The following PGR variants were observed in gnomAD, a reference collection of about 807,000 sequenced individuals.
PGR encodes the protein nuclear receptor subfamily 3 group C member 3.
In PGR, 25 loss-of-function variants were observed where a neutral mutation model predicts 76.1. The observed-to-expected ratio is 0.33, with a 90% CI of 0.24 to 0.46. PGR has a LOEUF of 0.46. Ranked by LOEUF, PGR falls within the 20% of genes least tolerant of loss-of-function variation. The pLI is 1.00. For synonymous variants in PGR, 579 were observed against 535.0 expected, an observed-to-expected ratio of 1.08 and a Z score of -1.14; for missense variants, 1,172 against 1,225.3, an observed-to-expected ratio of 0.96 and a Z score of 0.65.
chr11:101,121,116 C>T (rs1209759837), intron 2 of PGR, among the ~76,000 whole-genome samples: 2 of 152,082 alleles, frequency 1.3e-5, no homozygotes, highest in Non-Finnish European at 2.9e-5. Flanking sequence ...GAGACCTCAG[C>T]TTGAAAAGAA....
At position 101,091,835 on chromosome 11, in the gene PGR, C is replaced by T. The variant is rs749564230; in HGVS notation, c.1831G>A (p.Val611Ile). The change falls in exon 3 of 8, where the codon GTT becomes ATT. Residue 611 changes from valine to isoleucine, a missense_variant. Val to Ile is a conservative substitution (Grantham distance 29). This residue lies in a region of PGR where 40 missense variants were observed against 82.7 expected (regional missense o/e 0.48). Transcript: ENST00000325455. ...YLCAGRNDCIVDKIRRKNCPA... is the reference protein window; with the variant it reads ...YLCAGRNDCIIDKIRRKNCPA... ...CAGTTTTTTCTGCGGATTTTATCAA[C>T]GATGCAGTCATTTCTTCCAGCACAT... The T allele has an allele frequency of 6.8e-6, 11 of 1,611,326 alleles. No homozygotes were observed. The highest frequency in any genetic ancestry group is 2.7e-5 in the African/African-American group (2 of 74,954).
At chr11:101,084,097 T>G (rs637963) in intron 3 of PGR, among the ~76,000 whole-genome samples, 1 of 151,940 alleles carries the variant, frequency 6.6e-6, no homozygotes, top group Non-Finnish European at 1.5e-5. Context: ...GTTGTCATGA[T>G]AGTGAGTGGG....
rs1468490750 is a variant in PGR, at chr11:101,091,892, G to GAA, written c.1790-17_1790-16insTT. 8.0e-7 allele frequency: 1 copy of GAA among 1,251,692 alleles called. No individual in the cohort carries two copies. Among genetic ancestry groups the GAA allele is most frequent in the East Asian group, 2.3e-5 (1 of 43,098 alleles). The allele number at this position is 1,251,692 out of a possible 1,614,324, so 77.5% of individuals were successfully genotyped here. A position where few individuals can be genotyped will look rare whatever the true frequency, so the allele number is the denominator to read the frequency against. On this transcript the variant is annotated splice_polypyrimidine_tract_variant and intron_variant, in intron 2 of 7. Transcript: ENST00000325455. ...TTGTGCTGCCCTAAAAAAACAAAAT[G>GAA]AGTCAAAATTATTTACAATATCTAA...
chr11:101,125,420 G>A (rs1346370944), intron 2 of PGR, among the ~76,000 whole-genome samples: 3 of 151,978 alleles, frequency 2.0e-5, no homozygotes, highest in Non-Finnish European at 4.4e-5. Flanking sequence ...GTTTAATCCT[G>A]TCCTCTTATA....
At position 101,062,641 on chromosome 11, in the gene PGR, A is replaced by T; in HGVS notation, c.2018T>A (p.Phe673Tyr). The T allele has an allele frequency of 6.2e-7, 1 of 1,614,020 alleles. No individual in the cohort carries two copies. Residue 673 changes from phenylalanine to tyrosine, a missense_variant, in exon 4 of 8, where the codon TTC (phenylalanine) becomes TAC (tyrosine). This residue lies in a region of PGR where 73 missense variants were observed against 60.7 expected (regional missense o/e 1.20). Coordinates refer to ENST00000325455, the MANE Select transcript of PGR (RefSeq NM_000926.4). Reference protein sequence around the residue: ...PNESQALSQRFTFSPGQDIQL... With the variant: ...PNESQALSQRYTFSPGQDIQL... Reference sequence around the variant, plus strand: ...TATGTCTTGACCTGGTGAAAAAGTGAATCTCTGGCTTAGGGCTTGGCTTTC... The same window carrying T: ...TATGTCTTGACCTGGTGAAAAAGTGTATCTCTGGCTTAGGGCTTGGCTTTC...
intron 4 of PGR, among the ~76,000 whole-genome samples, chr11:101,054,039 T>G (rs1040156562): frequency 2.0e-5 from 3 of 152,166 alleles, no homozygotes; most frequent in Admixed American, 6.5e-5. Context: ...ATTCTTGATG[T>G]TGGTGGTGTC....
intron 3 of PGR, among the ~76,000 whole-genome samples, chr11:101,076,503 G>T (rs894934276): frequency 9.2e-5 from 14 of 151,676 alleles, no homozygotes; most frequent in African/African-American, 3.1e-4. Context: ...TTAAAAAATT[G>T]AAAACATTAA....
At chr11:101,069,283 A>G (rs1860831958) in intron 3 of PGR, among the ~76,000 whole-genome samples, 1 of 152,214 alleles carries the variant, frequency 6.6e-6, no homozygotes, top group Non-Finnish European at 1.5e-5. Flanking sequence ...TGGTCATGAG[A>G]GAAATGCAAA....
Position 101,031,461 on chromosome 11 carries a change from A to C in PGR, c.*7655T>G, listed in dbSNP as rs1859348630. 8.7e-6 allele frequency: 2 copies of C among 229,198 alleles called. No homozygotes were observed. Among genetic ancestry groups the C allele is most frequent in the African/African-American group, 4.4e-5 (2 of 45,136 alleles). 14.2% of individuals were successfully genotyped at this position (229,198 alleles called of 1,614,324 possible). Reference sequence around the variant, plus strand: ...GGTAATCCAAAAAGAAGGCTCTTTTAGATGAAAAAACATGGATAGATTATT... The same window carrying C: ...GGTAATCCAAAAAGAAGGCTCTTTTCGATGAAAAAACATGGATAGATTATT... On this transcript the variant is annotated 3_prime_UTR_variant, in exon 8 of 8. Coordinates refer to ENST00000325455, the MANE Select transcript of PGR (RefSeq NM_000926.4).
At position 101,035,890 on chromosome 11, in the gene PGR, T is replaced by C. The variant is rs1411900201; in HGVS notation, c.*3226A>G. 3 of 230,854 alleles carry C rather than the reference T, an allele frequency of 1.3e-5. No homozygotes were observed. The highest frequency in any genetic ancestry group is 2.6e-5 in the Non-Finnish European group (3 of 116,638). 14.3% of individuals were successfully genotyped at this position (230,854 alleles called of 1,614,324 possible). A position where few individuals can be genotyped will look rare whatever the true frequency, so the allele number is the denominator to read the frequency against. On this transcript the variant is annotated 3_prime_UTR_variant, in exon 8 of 8. Transcript: ENST00000325455. ...TGTAGAATATAGCTGGTGAGTTTGA[T>C]AAAATTATAGCCAGAACTATGGCTT...
At chr11:101,059,268 A>T (rs1179084312) in intron 4 of PGR, among the ~76,000 whole-genome samples, 1 of 151,918 alleles carries the variant, frequency 6.6e-6, no homozygotes, top group South Asian at 2.1e-4. Flanking sequence ...CCCCACTTTC[A>T]TTATATCTGT....
chr11:101,071,737 G>A (rs1421433128), intron 3 of PGR, among the ~76,000 whole-genome samples: 1 of 151,802 alleles, frequency 6.6e-6, no homozygotes, highest in Non-Finnish European at 1.5e-5. Flanking sequence ...AGAGATTGAA[G>A]ATCAACTGAA....
At chr11:101,090,342 G>A (rs1237861679) in intron 3 of PGR, among the ~76,000 whole-genome samples, 1 of 152,142 alleles carries the variant, frequency 6.6e-6, no homozygotes, top group Admixed American at 6.5e-5. Context: ...GTCTTTTAAA[G>A]TCATTGGGAA....
At chr11:101,078,593 G>C (rs1861202274) in intron 3 of PGR, among the ~76,000 whole-genome samples, 1 of 152,126 alleles carries the variant, frequency 6.6e-6, no homozygotes, top group Non-Finnish European at 1.5e-5. Flanking sequence ...GTACAGCAGT[G>C]AACTAAAGCA....
intron 4 of PGR, among the ~76,000 whole-genome samples, chr11:101,060,424 A>T (rs932610033): frequency 2.6e-5 from 4 of 152,178 alleles, no homozygotes; most frequent in African/African-American, 9.7e-5. Context: ...TTCTTTCTAA[A>T]CCACTGTATA....
In PGR at chr11:101,127,415, C is replaced by T; in HGVS notation, c.1637+19G>A. On this transcript the variant is annotated intron_variant, in intron 1 of 7. Transcript: ENST00000325455. ...GCTACTCCCGGACGCGCTGGGCGTG[C>T]CCCGTCCCGGGCCCTCACCTCAGGT... The T allele has an allele frequency of 6.6e-7, 1 of 1,521,100 alleles. No homozygotes were observed. The highest frequency in any genetic ancestry group is 8.8e-7 in the Non-Finnish European group (1 of 1,132,448). 94.2% of individuals were successfully genotyped at this position (1,521,100 alleles called of 1,614,324 possible).
chr11:101,100,704 C>T (rs1272395899), intron 2 of PGR, among the ~76,000 whole-genome samples: 1 of 152,016 alleles, frequency 6.6e-6, no homozygotes, highest in East Asian at 1.9e-4. Context: ...ACCAGTAATT[C>T]TCAACTAGAG....
intron 6 of PGR, among the ~76,000 whole-genome samples, chr11:101,048,515 T>A (rs1859970705): frequency 6.6e-6 from 1 of 152,190 alleles, no homozygotes; most frequent in Admixed American, 6.5e-5. Flanking sequence ...CAGCATGTGA[T>A]TACTGAATAC....
At chr11:101,062,894 A>G in intron 3 of PGR, 142 bp from the exon 4 acceptor site, 1 of 593,652 alleles carries the variant, frequency 1.7e-6, no homozygotes, top group Non-Finnish European at 2.8e-6. Context: ...AGTGTTAGAT[A>G]TTAAAATTAC....
Sources: allele counts gnomAD v4.1 joint callset (sites outside exome capture counted in the v4.1 genomes callset), GRCh38; gene constraint gnomAD v4.1.1; regional missense constraint gnomAD v4.1.1; transcripts MANE v1.5; gene names NCBI Gene and HGNC (gene_info 2026-07-23, HGNC 2026-07-21).